The following TFDP2 variants were observed in gnomAD, a reference collection of about 807,000 sequenced individuals.
The protein encoded by TFDP2 is transcription factor Dp-2 (E2F dimerization partner 2).
TFDP2 carries 17 observed loss-of-function variants against 59.3 expected under a neutral mutation model. That is an observed-to-expected ratio of 0.29 (90% CI 0.20 to 0.43). TFDP2 has a LOEUF of 0.43. Ranked by LOEUF, TFDP2 falls within the 20% of genes least tolerant of loss-of-function variation. TFDP2 has a pLI of 1.00. For missense variants in TFDP2, 391 were observed against 528.8 expected (o/e 0.74, Z 2.56); for synonymous variants, 180 against 194.7 (o/e 0.92, Z 0.63).
intron 1 of TFDP2, among the ~76,000 whole-genome samples, chr3:142,144,321 C>A (rs2063080757): frequency 6.6e-6 from 1 of 151,678 alleles, no homozygotes; most frequent in African/African-American, 2.4e-5. Context: ...TTGCAGTGAG[C>A]CGAGATTGCA....
intron 4 of TFDP2, among the ~76,000 whole-genome samples, chr3:141,999,138 A>G (rs922770284): frequency 3.3e-5 from 5 of 151,742 alleles, no homozygotes; most frequent in Non-Finnish European, 1.5e-5. Context: ...AGCCAGACCA[A>G]CTCCTCCCTC....
At chr3:141,984,813 T>C (rs1034060672) in intron 6 of TFDP2, among the ~76,000 whole-genome samples, 2 of 152,260 alleles carry the variant, frequency 1.3e-5, no homozygotes, top group East Asian at 1.9e-4. Context: ...CTGTAGTTTA[T>C]GTATTATGTA....
chr3:141,990,482 C>T (rs1308025642), intron 6 of TFDP2, among the ~76,000 whole-genome samples: 2 of 152,180 alleles, frequency 1.3e-5, no homozygotes, highest in African/African-American at 4.8e-5. Flanking sequence ...CCATAAAAAA[C>T]CTCAGCCTCT....
chr3:142,093,201 T>A (rs1576963404), intron 2 of TFDP2, 74 bp from the exon 3 acceptor site: 2 of 969,032 alleles, frequency 2.1e-6, no homozygotes, highest in East Asian at 5.4e-5. Flanking sequence ...CTATTTTATA[T>A]CTTCCATCAG....
At chr3:141,991,095 A>G (rs1019798430) in intron 6 of TFDP2, among the ~76,000 whole-genome samples, 1 of 152,090 alleles carries the variant, frequency 6.6e-6, no homozygotes, top group Non-Finnish European at 1.5e-5. Flanking sequence ...CTAATATACT[A>G]TGGTTTGAAA....
At chr3:142,027,943 AGT>A (rs1946214686) in intron 3 of TFDP2, among the ~76,000 whole-genome samples, 2 of 152,210 alleles carry the variant, frequency 1.3e-5, no homozygotes, top group African/African-American at 4.8e-5. Flanking sequence ...ACCATAAAGC[AGT>A]GGAATGCACC....
chr3:142,109,201 T>C (rs929745502), intron 1 of TFDP2, among the ~76,000 whole-genome samples: 7 of 152,216 alleles, frequency 4.6e-5, no homozygotes, highest in Non-Finnish European at 8.8e-5. Flanking sequence ...AAATGAATTA[T>C]AGACTCAGTA....
Position 141,945,183 on chromosome 3 carries a change from CA to C in TFDP2, c.*7329del, listed in dbSNP as rs11294171. The C allele has an allele frequency of 0.87, 132,959 of 152,230 alleles. 58,138 individuals are homozygous for C. The highest frequency in any genetic ancestry group is 0.92 in the African/African-American group (38,282 of 41,496). 9.4% of individuals were successfully genotyped at this position (152,230 alleles called of 1,614,324 possible). ...CGCTCTTGTTGCCCAGGCTGGAGTGCAAATGGCACGATCTCAGCTCATTGCA... is the reference window on the plus strand; with the variant it reads ...CGCTCTTGTTGCCCAGGCTGGAGTGCAATGGCACGATCTCAGCTCATTGCA... On this transcript the variant is annotated 3_prime_UTR_variant, in exon 13 of 13. Transcript: ENST00000489671.
intron 8 of TFDP2, among the ~76,000 whole-genome samples, chr3:141,973,048 T>C (rs1490726851): frequency 1.4e-5 from 2 of 144,358 alleles, no homozygotes; most frequent in Non-Finnish European, 1.5e-5. Context: ...GAGAAAAGAC[T>C]GAGAAAAACA....
At chr3:141,969,348 C>T (rs1939351064) in intron 9 of TFDP2, among the ~76,000 whole-genome samples, 1 of 148,740 alleles carries the variant, frequency 6.7e-6, no homozygotes, top group Admixed American at 6.9e-5. Flanking sequence ...TGTGGTGGCT[C>T]ATGCCTGTAA....
At chr3:142,052,971 G>C (rs1286652208) in intron 3 of TFDP2, among the ~76,000 whole-genome samples, 3 of 151,798 alleles carry the variant, frequency 2.0e-5, no homozygotes, top group African/African-American at 7.3e-5. Context: ...CACTACGCCC[G>C]GCTATTTTTT....
At chr3:142,066,256 T>C (rs2060071922) in intron 3 of TFDP2, among the ~76,000 whole-genome samples, 1 of 152,202 alleles carries the variant, frequency 6.6e-6, no homozygotes, top group African/African-American at 2.4e-5. Context: ...TCAAAAATGT[T>C]ATAAAACCTG....
At chr3:141,987,968 C>T (rs541810690) in intron 6 of TFDP2, among the ~76,000 whole-genome samples, 1 of 140,664 alleles carries the variant, frequency 7.1e-6, no homozygotes, top group African/African-American at 2.8e-5. Flanking sequence ...AAGAAAATGA[C>T]ATTCTTCTCA....
At chr3:141,978,765 A>G in intron 6 of TFDP2, 83 bp from the exon 7 acceptor site, 1 of 1,051,794 alleles carries the variant, frequency 9.5e-7, no homozygotes, top group East Asian at 3.0e-5. Context: ...ATGCAAGAAG[A>G]CAGTAATTTA....
intron 3 of TFDP2, chr3:142,043,647 A>G (rs1279045215): frequency 1.1e-6 from 1 of 916,346 alleles, no homozygotes; most frequent in South Asian, 1.3e-5. Flanking sequence ...CTTCCTCCTT[A>G]GACAAAGTCT....
In TFDP2 at chr3:141,947,418, C is replaced by T. The variant is rs10935447; in HGVS notation, c.*5095G>A. The T allele has an allele frequency of 0.08, 12,078 of 151,184 alleles. 602 individuals are homozygous for T. Among genetic ancestry groups the T allele is most frequent in the East Asian group, 0.16 (814 of 5,148 alleles). 9.4% of individuals were successfully genotyped at this position (151,184 alleles called of 1,614,324 possible). A position where few individuals can be genotyped will look rare whatever the true frequency, so the allele number is the denominator to read the frequency against. Reference sequence around the variant, plus strand: ...AATTTCTAATCATTTTTCTTTCTTTCTTTTTTCTTTTTTTGAGACAGAGTC... The same window carrying T: ...AATTTCTAATCATTTTTCTTTCTTTTTTTTTTCTTTTTTTGAGACAGAGTC... On this transcript the variant is annotated 3_prime_UTR_variant, in exon 13 of 13. Coordinates refer to ENST00000489671, the MANE Select transcript of TFDP2 (RefSeq NM_001178139.2).
At chr3:142,062,897 T>C (rs1490527813) in intron 3 of TFDP2, among the ~76,000 whole-genome samples, 1 of 152,208 alleles carries the variant, frequency 6.6e-6, no homozygotes. Context: ...AAATACTGTA[T>C]GATTACATTT....
intron 6 of TFDP2, among the ~76,000 whole-genome samples, chr3:141,984,867 G>A (rs565350615): frequency 5.3e-5 from 8 of 152,246 alleles, no homozygotes; most frequent in African/African-American, 1.7e-4. Flanking sequence ...CAATATGAGA[G>A]GGGGTCATGT....
intron 1 of TFDP2, among the ~76,000 whole-genome samples, chr3:142,133,923 G>A (rs1008591533): frequency 6.6e-6 from 1 of 151,744 alleles, no homozygotes; most frequent in Non-Finnish European, 1.5e-5. Flanking sequence ...GGGCACGGTG[G>A]CTCACAACTG....
Sources: gnomAD v4.1 joint callset for allele counts (sites outside exome capture counted in the v4.1 genomes callset) on GRCh38, gnomAD v4.1.1 for gene constraint, MANE v1.5 for transcripts, NCBI Gene and HGNC (gene_info 2026-07-23, HGNC 2026-07-21) for gene names.